Variants in PLXDC2 observed in about 807,000 individuals in gnomAD.
The protein encoded by PLXDC2 is plexin domain-containing protein 2.
PLXDC2 carries 40 observed loss-of-function variants against 68.9 expected under a neutral mutation model. The observed-to-expected ratio is 0.58, with a 90% CI of 0.45 to 0.76. The LOEUF (loss-of-function observed/expected upper bound fraction) is 0.76. Ranked by LOEUF, PLXDC2 falls within the 30% of genes least tolerant of loss-of-function variation. PLXDC2 has a pLI of 0.00. For missense variants in PLXDC2, 644 were observed against 661.9 expected (o/e 0.97, Z 0.30); for synonymous variants, 243 against 234.2 (o/e 1.04, Z -0.34).
intron 1 of PLXDC2, among the ~76,000 whole-genome samples, chr10:19,956,597 A>T (rs115141886): frequency 0.012 from 1,829 of 152,294 alleles, 37 homozygotes; most frequent in African/African-American, 0.041. Context: ...CTGATTTATT[A>T]TGTAGATTAA....
intron 6 of PLXDC2, among the ~76,000 whole-genome samples, chr10:20,152,206 T>C (rs1834161687): frequency 1.3e-5 from 2 of 152,104 alleles, no homozygotes; most frequent in Admixed American, 6.5e-5. Flanking sequence ...AGAAAATACA[T>C]TTAGAGTTAT....
intron 4 of PLXDC2, among the ~76,000 whole-genome samples, chr10:20,071,515 A>G (rs557373735): frequency 1.3e-5 from 2 of 152,272 alleles, no homozygotes; most frequent in African/African-American, 4.8e-5. Context: ...ATGATTTTAT[A>G]AAGGGGAGTT....
intron 9 of PLXDC2, among the ~76,000 whole-genome samples, chr10:20,209,030 T>TCACAGGAC (rs562600860): frequency 4.6e-5 from 7 of 151,958 alleles, no homozygotes; most frequent in Non-Finnish European, 7.4e-5. Context: ...CAGGGTGAGA[T>TCACAGGAC]CACAGGACCA....
chr10:20,209,077 A>G (rs1835032266), intron 9 of PLXDC2, among the ~76,000 whole-genome samples: 1 of 152,176 alleles, frequency 6.6e-6, no homozygotes, highest in Non-Finnish European at 1.5e-5. Flanking sequence ...AAAATTGCTA[A>G]TGAAGTTTCG....
chr10:20,105,133 AC>A (rs1833474816), intron 4 of PLXDC2, among the ~76,000 whole-genome samples: 1 of 150,624 alleles, frequency 6.6e-6, no homozygotes, highest in Admixed American at 6.6e-5. Context: ...TGAGTGCTTG[AC>A]CTTAAGGAAC....
intron 9 of PLXDC2, among the ~76,000 whole-genome samples, chr10:20,186,742 ATCT>A (rs917517946): frequency 3.3e-5 from 5 of 151,520 alleles, no homozygotes; most frequent in South Asian, 2.1e-4. Flanking sequence ...AAAGGACATG[ATCT>A]TCTTCTTTTT....
At chr10:19,848,227 G>A (rs1002221157) in intron 1 of PLXDC2, among the ~76,000 whole-genome samples, 3 of 152,112 alleles carry the variant, frequency 2.0e-5, no homozygotes, top group Non-Finnish European at 4.4e-5. Flanking sequence ...CTATGAAAAT[G>A]AGACACAAGA....
intron 1 of PLXDC2, among the ~76,000 whole-genome samples, chr10:19,980,241 A>G (rs1439358109): frequency 2.0e-5 from 3 of 152,140 alleles, no homozygotes; most frequent in Non-Finnish European, 4.4e-5. Flanking sequence ...GGGTATATCT[A>G]GTTGAAGGGT....
chr10:19,828,375 A>ACTAC (rs1320357148), intron 1 of PLXDC2, among the ~76,000 whole-genome samples: 2 of 152,192 alleles, frequency 1.3e-5, no homozygotes, highest in African/African-American at 4.8e-5. Flanking sequence ...TTTTATTTAG[A>ACTAC]CTACAGGCAT....
chr10:20,012,740 A>G (rs535545243), intron 2 of PLXDC2, among the ~76,000 whole-genome samples: 12 of 152,270 alleles, frequency 7.9e-5, no homozygotes, highest in African/African-American at 2.6e-4. Context: ...GAAGGCATCA[A>G]GTACTCAAAT....
chr10:20,009,506 A>G (rs1049523315), intron 2 of PLXDC2, among the ~76,000 whole-genome samples: 1 of 152,044 alleles, frequency 6.6e-6, no homozygotes, highest in African/African-American at 2.4e-5. Context: ...TTGGACCTCC[A>G]AGTGTATTGA....
intron 4 of PLXDC2, among the ~76,000 whole-genome samples, chr10:20,121,416 G>A (rs745455152): frequency 2.6e-5 from 4 of 152,070 alleles, no homozygotes; most frequent in African/African-American, 7.2e-5. Flanking sequence ...GAGATTAATC[G>A]GACACAATCA....
intron 1 of PLXDC2, among the ~76,000 whole-genome samples, chr10:19,955,357 TGAA>T (rs1157181480): frequency 1.3e-5 from 2 of 151,978 alleles, no homozygotes; most frequent in African/African-American, 4.8e-5. Flanking sequence ...TGTACCAAAC[TGAA>T]CTATGTTCCT....
intron 1 of PLXDC2, among the ~76,000 whole-genome samples, chr10:19,856,070 G>A (rs1387222468): frequency 6.6e-6 from 1 of 152,044 alleles, no homozygotes; most frequent in Non-Finnish European, 1.5e-5. Context: ...ACTCCAGGCT[G>A]GGTGATAGAG....
chr10:20,199,020 A>C (rs1834881864), intron 9 of PLXDC2, among the ~76,000 whole-genome samples: 1 of 152,060 alleles, frequency 6.6e-6, no homozygotes, highest in Non-Finnish European at 1.5e-5. Context: ...ATCCTGTATT[A>C]TTTATTCTGT....
At chr10:20,129,447 T>A (rs1383001688) in intron 4 of PLXDC2, among the ~76,000 whole-genome samples, 1 of 152,042 alleles carries the variant, frequency 6.6e-6, no homozygotes, top group African/African-American at 2.4e-5. Flanking sequence ...GATCGTTTTC[T>A]TTAAAGGCTT....
chr10:20,217,220 G>T (rs1484413171), intron 10 of PLXDC2, among the ~76,000 whole-genome samples: 4 of 152,126 alleles, frequency 2.6e-5, no homozygotes, highest in African/African-American at 4.8e-5. Flanking sequence ...AAAGGGAAAT[G>T]CCTTGTTCCA....
intron 13 of PLXDC2, among the ~76,000 whole-genome samples, chr10:20,276,427 T>C (rs527734238): frequency 1.2e-4 from 18 of 152,298 alleles, no homozygotes; most frequent in African/African-American, 3.6e-4. Flanking sequence ...AAGCAAGAAT[T>C]AGGGAGAATT....
intron 1 of PLXDC2, among the ~76,000 whole-genome samples, chr10:19,850,880 T>C (rs768215830): frequency 1.3e-5 from 2 of 152,178 alleles, no homozygotes; most frequent in African/African-American, 2.4e-5. Context: ...CAGAGGGCTC[T>C]CTGCTTCAAA....
Sources: allele counts gnomAD v4.1 joint callset (sites outside exome capture counted in the v4.1 genomes callset), GRCh38; gene constraint gnomAD v4.1.1; transcripts MANE v1.5; gene names NCBI Gene and HGNC (gene_info 2026-07-23, HGNC 2026-07-21).